SPATA16: variants seen among roughly 807,000 people sequenced by gnomAD.
The protein encoded by SPATA16 is spermatogenesis-associated protein 16.
In SPATA16, 36 loss-of-function variants were observed where a neutral mutation model predicts 63.3. The ratio of observed to expected loss-of-function variants is 0.57; its 90% CI spans 0.44 to 0.75. The LOEUF (loss-of-function observed/expected upper bound fraction) is 0.75, where lower values mean the gene tolerates loss of function less well. Ranked by LOEUF, SPATA16 falls within the 30% of genes least tolerant of loss-of-function variation. SPATA16 has a pLI of 0.00. For synonymous variants in SPATA16, 203 were observed against 216.7 expected (o/e 0.94, Z 0.56); for missense variants, 646 against 679.3 (o/e 0.95, Z 0.54).
At chr3:173,068,063 C>T (rs956279577) in intron 2 of SPATA16, among the ~76,000 whole-genome samples, 2 of 151,438 alleles carry the variant, frequency 1.3e-5, no homozygotes, top group African/African-American at 4.9e-5. Flanking sequence ...ACTTCATCAA[C>T]TCTAGGCTGG....
intron 6 of SPATA16, among the ~76,000 whole-genome samples, chr3:172,947,590 C>A (rs1429010883): frequency 6.6e-6 from 1 of 151,778 alleles, no homozygotes; most frequent in Non-Finnish European, 1.5e-5. Context: ...AAGTGGAATA[C>A]TATGCAGCCA....
chr3:173,063,029 G>A (rs1322772232), intron 2 of SPATA16, among the ~76,000 whole-genome samples: 3 of 152,194 alleles, frequency 2.0e-5, no homozygotes, highest in East Asian at 1.9e-4. Flanking sequence ...CCACGATTGG[G>A]GACCCCTGTC....
intron 6 of SPATA16, among the ~76,000 whole-genome samples, chr3:172,939,806 T>C (rs565777407): frequency 6.6e-6 from 1 of 152,146 alleles, no homozygotes; most frequent in Non-Finnish European, 1.5e-5. Flanking sequence ...GAGGTGACTC[T>C]TGCTGGGCCC....
At chr3:173,004,211 T>G (rs1734889429) in intron 4 of SPATA16, among the ~76,000 whole-genome samples, 1 of 152,188 alleles carries the variant, frequency 6.6e-6, no homozygotes, top group Non-Finnish European at 1.5e-5. Flanking sequence ...TGTTAGAATT[T>G]CCAGCCTGAT....
intron 5 of SPATA16, among the ~76,000 whole-genome samples, chr3:172,968,405 C>G (rs1278035957): frequency 6.6e-6 from 1 of 152,120 alleles, no homozygotes; most frequent in Admixed American, 6.5e-5. Flanking sequence ...ATTGAATGCT[C>G]AACTCATTTT....
chr3:173,141,003 C>T (rs1250534456), intron 1 of SPATA16, 100 bp downstream of exon 1: 2 of 152,298 alleles, frequency 1.3e-5, no homozygotes, highest in African/African-American at 2.4e-5. Context: ...GTTTTCCCAG[C>T]TTACTCCATC....
chr3:172,979,754 C>G (rs1289237026), intron 4 of SPATA16, among the ~76,000 whole-genome samples: 2 of 152,026 alleles, frequency 1.3e-5, no homozygotes, highest in Non-Finnish European at 2.9e-5. Context: ...CACAGCTCTC[C>G]AAATTGATAT....
rs369897098 is a variant in SPATA16 at position 172,903,698 on chromosome 3, T to C, written c.1587+9963A>G. ...TCTGAAGTTGCAGAAAGAGGGAAAA[T>C]AGTGAGCTATCAAAGCAAACCTTAA... On this transcript the variant is annotated intron_variant, in intron 10 of 10. Coordinates refer to ENST00000351008, the MANE Select transcript of SPATA16 (RefSeq NM_031955.6). Among the ~76,000 whole-genome samples, 10 of 152,142 alleles carry C rather than the reference T, an allele frequency of 6.6e-5. No homozygotes were observed. The South Asian group carries it at 1.9e-3, about 28-fold the overall frequency.
At chr3:172,935,725 A>T (rs1732975054) in intron 6 of SPATA16, among the ~76,000 whole-genome samples, 2 of 152,194 alleles carry the variant, frequency 1.3e-5, no homozygotes, top group Non-Finnish European at 2.9e-5. Context: ...AATTTGAATG[A>T]TTGACAAAGG....
At position 172,928,558 on chromosome 3, in the gene SPATA16, T is replaced by G. The variant is rs561559286; in HGVS notation, c.1082-3066A>C. On this transcript the variant is annotated intron_variant, in intron 6 of 10. Coordinates refer to ENST00000351008, the MANE Select transcript of SPATA16 (RefSeq NM_031955.6). Reference sequence around the variant, plus strand: ...TTGAGGACCCCCTTATGTAGATAGATAGCATAAAGACTTTGAATGGTTTAC... The same window carrying G: ...TTGAGGACCCCCTTATGTAGATAGAGAGCATAAAGACTTTGAATGGTTTAC... Among the ~76,000 whole-genome samples the G allele has an allele frequency of 8.5e-5, 13 of 152,308 alleles. No individual in the cohort carries two copies. In the South Asian group the frequency reaches 2.7e-3, roughly 32 times the overall value.
chr3:172,906,158 C>T (rs1369458046), intron 10 of SPATA16, among the ~76,000 whole-genome samples: 1 of 151,730 alleles, frequency 6.6e-6, no homozygotes, highest in Non-Finnish European at 1.5e-5. Flanking sequence ...TTTTTAAGAC[C>T]CCTTTTTCTA....
rs75538549 is a variant in SPATA16 at position 172,968,214 on chromosome 3, G to C, written c.933+8754C>G. On this transcript the variant is annotated intron_variant, in intron 5 of 10. Transcript: ENST00000351008. ...CAAGTGAAGCACGCTGCCCCTTGCA[G>C]GGCATATTCTGAGGCACTGGCAAGG... Among the ~76,000 whole-genome samples, 1,130 of 152,334 alleles carry C rather than the reference G, an allele frequency of 7.4e-3. 6 individuals carry two copies. Among genetic ancestry groups the C allele is most frequent in the Non-Finnish European group, 0.012 (803 of 68,024 alleles).
At chr3:172,945,909 G>A (rs764138064) in intron 6 of SPATA16, among the ~76,000 whole-genome samples, 6 of 152,150 alleles carry the variant, frequency 3.9e-5, no homozygotes, top group Non-Finnish European at 5.9e-5. Context: ...ACCAGCTGGG[G>A]TGGCTATGGG....
At chr3:173,102,944 T>A (rs1007346738) in intron 2 of SPATA16, among the ~76,000 whole-genome samples, 24 of 152,164 alleles carry the variant, frequency 1.6e-4, no homozygotes, top group Non-Finnish European at 7.4e-5. Flanking sequence ...GTACAGACAC[T>A]GGGTAAGTAT....
chr3:173,118,167 G>A (rs1476083837), intron 1 of SPATA16, among the ~76,000 whole-genome samples: 1 of 152,172 alleles, frequency 6.6e-6, no homozygotes, highest in Admixed American at 6.5e-5. Flanking sequence ...CTACTCACCT[G>A]AATAATAGAC....
At chr3:173,027,993 C>G (rs1444642493) in intron 3 of SPATA16, among the ~76,000 whole-genome samples, 27 of 58,536 alleles carry the variant, frequency 4.6e-4, no homozygotes, top group African/African-American at 2.1e-3. Flanking sequence ...CTCCCTCCCT[C>G]CCTCCCTCCC....
intron 4 of SPATA16, among the ~76,000 whole-genome samples, chr3:173,001,907 T>A (rs1279271791): frequency 6.6e-6 from 1 of 152,230 alleles, no homozygotes; most frequent in East Asian, 1.9e-4. Context: ...AGACCATTAG[T>A]AAATTTTGCC....
At chr3:173,019,948 T>C (rs1735284144) in intron 3 of SPATA16, among the ~76,000 whole-genome samples, 1 of 151,878 alleles carries the variant, frequency 6.6e-6, no homozygotes, top group Admixed American at 6.6e-5. Flanking sequence ...ATGGTATGTC[T>C]ACTTTTAATG....
intron 2 of SPATA16, among the ~76,000 whole-genome samples, chr3:173,079,604 T>C (rs1448776622): frequency 1.3e-5 from 2 of 152,176 alleles, no homozygotes; most frequent in Non-Finnish European, 2.9e-5. Context: ...TACTTCTAAA[T>C]AAAAATATTT....
Sources: gnomAD v4.1 joint callset for allele counts (sites outside exome capture counted in the v4.1 genomes callset) on GRCh38, gnomAD v4.1.1 for gene constraint, MANE v1.5 for transcripts, NCBI Gene and HGNC (gene_info 2026-07-23, HGNC 2026-07-21) for gene names.